Variants in PSG5 observed in about 807,000 individuals in gnomAD.
PSG5 encodes pregnancy specific beta-1-glycoprotein 5.
In PSG5, 53 loss-of-function variants were observed where a neutral mutation model predicts 37.7. The observed-to-expected ratio is 1.41, with a 90% CI of 1.13 to 1.77. The LOEUF is 1.77. Ranked by LOEUF, PSG5 falls within the 40% of genes most tolerant of loss-of-function variation. PSG5 has a pLI of 0.00. For missense variants in PSG5, 547 were observed against 405.2 expected (o/e 1.35, Z -3.00); for synonymous variants, 221 against 155.4 (o/e 1.42, Z -3.14).
intron 2 of PSG5, among the ~76,000 whole-genome samples, chr19:43,179,814 G>T (rs1969090336): frequency 6.6e-6 from 1 of 151,716 alleles, no homozygotes; most frequent in Admixed American, 6.6e-5. Context: ...AGAGTCCAAG[G>T]AATGACCTAC....
At chr19:43,182,595 C>G (rs10412743) in intron 2 of PSG5, among the ~76,000 whole-genome samples, 101,021 of 150,238 alleles carry the variant, frequency 0.67, 35,231 homozygotes, top group East Asian at 0.98. Flanking sequence ...AAATCTCTAA[C>G]CCCTGATCCA....
Position 43,176,077 on chromosome 19 carries a change from T to TTATAA in PSG5, c.501_502insTTATA (p.Thr168LeufsTer2), listed in dbSNP as rs1461095457. 1.9e-6 allele frequency: 3 copies of TTATAA among 1,610,972 alleles called. No individual in the cohort carries two copies. In the African/African-American group the frequency reaches 4.0e-5, roughly 22 times the overall value. ...TAGTTCTCACTCTTAGGTTCACAGG[T>TTATAA]GAAGGCTAAGACATCCTTATTCTCC... On this transcript the variant is annotated frameshift_variant, in exon 3 of 6. Transcript: ENST00000342951. LOFTEE classifies it high-confidence loss of function.
chr19:43,178,786 G>A (rs1969065166), intron 2 of PSG5: 1 of 1,608,982 alleles, frequency 6.2e-7, no homozygotes, highest in Admixed American at 1.7e-5. Context: ...AAAGGTCTCT[G>A]TACTTGGACC....
chr19:43,169,860 G>A (rs1247399338), intron 5 of PSG5, 195 bp downstream of exon 5: 4 of 379,876 alleles, frequency 1.1e-5, no homozygotes, highest in Non-Finnish European at 1.5e-5. Flanking sequence ...AGATAATTAT[G>A]TCTAAAAGAC....
intron 4 of PSG5, chr19:43,174,896 G>A (rs1333248684): frequency 1.2e-5 from 14 of 1,211,346 alleles, no homozygotes; most frequent in African/African-American, 3.1e-5. Flanking sequence ...ATGTGTTGGT[G>A]ACATCGAGAA....
rs1968990659 is a variant in PSG5, at chr19:43,175,548, G to T, written c.710-79C>A. The T allele has an allele frequency of 8.5e-6, 13 of 1,527,412 alleles. 1 individual carries two copies. The Admixed American group carries it at 1.2e-4, about 14-fold the overall frequency. 94.6% of individuals were successfully genotyped at this position (1,527,412 alleles called of 1,614,324 possible). On this transcript the variant is annotated intron_variant, in intron 3 of 5. Transcript: ENST00000342951. ...TCCTGGTCTCTTAAAGGGACACAGT[G>T]ACCCTCTGAGCCAAGACACACCCTC...
chr19:43,168,887 G>C (rs1419610568), intron 5 of PSG5, among the ~76,000 whole-genome samples: 2 of 151,200 alleles, frequency 1.3e-5, no homozygotes, highest in African/African-American at 4.9e-5. Flanking sequence ...TGTTGAAAAA[G>C]GTCCTTAGGT....
At chr19:43,179,217 C>G (rs11671967) in intron 2 of PSG5, 4 of 1,494,778 alleles carry the variant, frequency 2.7e-6, no homozygotes, top group East Asian at 4.5e-5. Flanking sequence ...TCCAAAGGCA[C>G]TTTTCAATCA....
intron 1 of PSG5, 139 bp from the exon 2 acceptor site, chr19:43,185,286 G>A (rs1307670584): frequency 8.1e-7 from 1 of 1,227,274 alleles, no homozygotes; most frequent in African/African-American, 1.5e-5. Flanking sequence ...ACACACAAAA[G>A]GTGCATGTTA....
chr19:43,175,339 C>G lies in PSG5; in HGVS notation c.840G>C (p.Gln280His), dbSNP rs535699468. 9.3e-6 allele frequency: 15 copies of G among 1,612,836 alleles called. No individual in the cohort carries two copies. The South Asian group carries it at 1.6e-4, about 18-fold the overall frequency. ...GGATAGAGAGCTTTTGTCCTGATTG[C>G]TGAAACTTCCCATTAATTGTCCAAA... ...EYFWTINGKF[Q>H]QSGQKLSIPQ... is the part of the protein sequence containing the mutation. Residue 280 changes from glutamine to histidine, a missense_variant, in exon 4 of 6, where the codon CAG (glutamine) becomes CAC (histidine). Coordinates refer to ENST00000342951, the MANE Select transcript of PSG5 (RefSeq NM_002781.4).
intron 4 of PSG5, 29 bp from the exon 5 acceptor site, chr19:43,170,167 A>G: frequency 6.5e-7 from 1 of 1,541,558 alleles, no homozygotes; most frequent in Non-Finnish European, 8.9e-7. Flanking sequence ...TAAAGAAGGA[A>G]TGAAGGTGAT....
chr19:43,175,612 A>C, intron 3 of PSG5, 143 bp from the exon 4 acceptor site: 2 of 1,430,556 alleles, frequency 1.4e-6, no homozygotes, highest in Non-Finnish European at 1.9e-6. Flanking sequence ...ACTGAGCCAA[A>C]GCCTGAGGTA....
At chr19:43,170,895 A>G (rs1968892186) in intron 4 of PSG5, 1 of 151,374 alleles carries the variant, frequency 6.6e-6, no homozygotes, top group Non-Finnish European at 1.5e-5. Flanking sequence ...AAACTAACAT[A>G]TCAGGCTTGA....
chr19:43,170,524 G>A (rs1968883884), intron 4 of PSG5: 1 of 439,450 alleles, frequency 2.3e-6, no homozygotes. Context: ...CCATGGCAGG[G>A]AGCTGATTGA....
chr19:43,170,208 G>T, intron 4 of PSG5, 70 bp from the exon 5 acceptor site: 1 of 1,322,212 alleles, frequency 7.6e-7, no homozygotes, highest in Non-Finnish European at 1.1e-6. Context: ...CTCAGGAAGA[G>T]GCATGTAGCA....
In PSG5 at chr19:43,167,868, T is replaced by C. The variant is rs1968820364; in HGVS notation, c.*376A>G. The C allele has an allele frequency of 2.9e-6, 1 of 341,230 alleles. No individual in the cohort carries two copies. The highest frequency in any genetic ancestry group is 4.4e-5 in the East Asian group (1 of 22,896). The allele number at this position is 341,230 out of a possible 1,614,324, so 21.1% of individuals were successfully genotyped here. ...AATTTTTGTTTACAAAAGTATACTTTACCAATTGCTCAAGAAAAAAAGTTC... is the reference window on the plus strand; with the variant it reads ...AATTTTTGTTTACAAAAGTATACTTCACCAATTGCTCAAGAAAAAAAGTTC... On this transcript the variant is annotated 3_prime_UTR_variant, in exon 6 of 6. Coordinates refer to ENST00000342951, the MANE Select transcript of PSG5 (RefSeq NM_002781.4).
rs537348598 is a variant in PSG5, at chr19:43,183,927, C to T, written c.430+855G>A. Among the ~76,000 whole-genome samples the T allele has an allele frequency of 1.6e-4, 3 of 18,476 alleles. No individual in the cohort carries two copies. The South Asian group carries it at 6.3e-3, about 39-fold the overall frequency. The allele number at this position is 18,476 out of a possible 152,430, so 12.1% of individuals were successfully genotyped here. A position where few individuals can be genotyped will look rare whatever the true frequency, so the allele number is the denominator to read the frequency against. On this transcript the variant is annotated intron_variant, in intron 2 of 5. Transcript: ENST00000342951. ...AAATGGACTGTGGATTTTCATGCTA[C>T]TGTGAATAAATGTTAAATGATTCAG... is the stretch of plus-strand genomic sequence containing the variant.
intron 3 of PSG5, 171 bp downstream of exon 3, chr19:43,175,699 G>A: frequency 2.1e-6 from 3 of 1,426,308 alleles, no homozygotes; most frequent in Non-Finnish European, 2.8e-6. Context: ...TTATATTCCT[G>A]GTTAAGGCTG....
At chr19:43,168,245 T>C in intron 5 of PSG5, 42 bp from the exon 6 acceptor site, 1 of 389,424 alleles carries the variant, frequency 2.6e-6, no homozygotes, top group Non-Finnish European at 4.7e-6. Flanking sequence ...GTTAAAAATC[T>C]AATGAGAATT....
Sources: gnomAD v4.1 joint callset for allele counts (sites outside exome capture counted in the v4.1 genomes callset) on GRCh38, gnomAD v4.1.1 for gene constraint, MANE v1.5 for transcripts, NCBI Gene and HGNC (gene_info 2026-07-23, HGNC 2026-07-21) for gene names.